Variants in SYT17 observed in about 807,000 individuals in gnomAD.
SYT17 encodes the protein synaptotagmin-17.
A neutral mutation model predicts 46.7 loss-of-function variants in SYT17; 22 were observed. The observed-to-expected ratio is 0.47, with a 90% CI of 0.34 to 0.67. The LOEUF (loss-of-function observed/expected upper bound fraction) is 0.67. SYT17 is among the 30% of genes least tolerant of loss of function. The pLI, the probability that SYT17 is intolerant of heterozygous loss-of-function variation, is 0.01. For synonymous variants in SYT17, 251 were observed against 248.4 expected, an observed-to-expected ratio of 1.01 and a Z score of -0.10; for missense variants, 519 against 612.8, an observed-to-expected ratio of 0.85 and a Z score of 1.62.
chr16:19,237,814 C>T (rs1422552855), intron 7 of SYT17, among the ~76,000 whole-genome samples: 2 of 152,200 alleles, frequency 1.3e-5, no homozygotes, highest in Non-Finnish European at 2.9e-5. Flanking sequence ...GCTCATCTGC[C>T]CTGCACCACT....
At chr16:19,208,346 T>C (rs914684141) in intron 5 of SYT17, among the ~76,000 whole-genome samples, 12 of 152,172 alleles carry the variant, frequency 7.9e-5, no homozygotes, top group African/African-American at 2.7e-4. Flanking sequence ...GACTGGGCAC[T>C]ACTAAGAAAA....
intron 5 of SYT17, among the ~76,000 whole-genome samples, chr16:19,185,031 G>C (rs1964727646): frequency 6.6e-6 from 1 of 152,124 alleles, no homozygotes; most frequent in Non-Finnish European, 1.5e-5. Context: ...TAGGTAGAAG[G>C]ATGTGGGGAG....
In SYT17 at chr16:19,219,391, A is replaced by G. The variant is rs1205752661; in HGVS notation, c.952-3654A>G. 3.6e-4 allele frequency among the ~76,000 whole-genome samples: 2 copies of G among 5,492 alleles called. 1 individual carries two copies. The highest frequency in any genetic ancestry group is 5.3e-4 in the Non-Finnish European group (2 of 3,808). 3.6% of individuals were successfully genotyped at this position (5,492 alleles called of 152,430 possible). On this transcript the variant is annotated intron_variant, in intron 5 of 7. Coordinates refer to ENST00000355377, the MANE Select transcript of SYT17 (RefSeq NM_016524.4). ...CAGTCCGCAGTCCGGCCTGGGCGAC[A>G]GAGCGAGACTCCGTCTCAAAAAAAA...
At chr16:19,198,636 G>A (rs2142722436) in intron 5 of SYT17, among the ~76,000 whole-genome samples, 1 of 152,348 alleles carries the variant, frequency 6.6e-6, no homozygotes, top group East Asian at 1.9e-4. Flanking sequence ...AGGAGACTGT[G>A]TTCCATTGAA....
chr16:19,238,184 G>A (rs1966874405), intron 7 of SYT17, among the ~76,000 whole-genome samples: 1 of 152,212 alleles, frequency 6.6e-6, no homozygotes, highest in Non-Finnish European at 1.5e-5. Context: ...TGGATCAGAT[G>A]TAAAGGACCA....
intron 7 of SYT17, among the ~76,000 whole-genome samples, chr16:19,240,164 G>A (rs1271338423): frequency 6.6e-6 from 1 of 152,222 alleles, no homozygotes; most frequent in Non-Finnish European, 1.5e-5. Flanking sequence ...GTTGCCTGTA[G>A]TGTGGCAAAC....
chr16:19,180,538 GAGTA>G lies in SYT17; in HGVS notation c.331+4_331+7del, dbSNP rs752714663. 6 of 1,613,946 alleles carry G rather than the reference GAGTA, an allele frequency of 3.7e-6. No individual in the cohort carries two copies. The African/African-American group carries it at 6.7e-5, about 18-fold the overall frequency. ...CATACAGCCTGACGCGGAGGATTTC[GAGTA>G]AGTATCTCTGCTTTACCTTTCTGGG... On this transcript the variant is annotated splice_donor_variant and splice_donor_region_variant and coding_sequence_variant and intron_variant, in exon 4 of 8. Coordinates refer to ENST00000355377, the MANE Select transcript of SYT17 (RefSeq NM_016524.4). LOFTEE classifies it high-confidence loss of function.
chr16:19,263,037 C>CT (rs11376928), intron 7 of SYT17, among the ~76,000 whole-genome samples: 66,741 of 145,650 alleles, frequency 0.46, 16,984 homozygotes, highest in East Asian at 0.95. Flanking sequence ...GTCAGATAAT[C>CT]TTTTTTTTTT....
intron 2 of SYT17, 32 bp from the exon 3 acceptor site, chr16:19,173,398 A>T: frequency 2.3e-5 from 1 of 43,348 alleles, no homozygotes; most frequent in Non-Finnish European, 4.1e-5. Context: ...CCTCTCCCCC[A>T]TCCCCCCGCC....
At chr16:19,196,983 G>A (rs1432105211) in intron 5 of SYT17, among the ~76,000 whole-genome samples, 2 of 152,172 alleles carry the variant, frequency 1.3e-5, no homozygotes, top group Admixed American at 6.5e-5. Flanking sequence ...GCCAAAAACT[G>A]CCTGGTAAAC....
intron 1 of SYT17, chr16:19,171,183 C>CTAAA (rs1407756670): frequency 6.6e-6 from 1 of 152,640 alleles, no homozygotes; most frequent in East Asian, 1.9e-4. Flanking sequence ...TGAGTTTTGG[C>CTAAA]TTTAGAGAGT....
chr16:19,256,967 T>C (rs1453414635), intron 7 of SYT17, among the ~76,000 whole-genome samples: 2 of 152,154 alleles, frequency 1.3e-5, no homozygotes, highest in African/African-American at 4.8e-5. Context: ...CTTTGAGCAC[T>C]CAACCTCTTA....
intron 5 of SYT17, among the ~76,000 whole-genome samples, chr16:19,188,926 G>A (rs1033142263): frequency 1.7e-4 from 26 of 151,862 alleles, no homozygotes; most frequent in African/African-American, 5.1e-4. Context: ...CTGCTCTGTC[G>A]CCCAGGCTGG....
At chr16:19,178,688 C>T (rs772563928) in intron 3 of SYT17, among the ~76,000 whole-genome samples, 3 of 152,114 alleles carry the variant, frequency 2.0e-5, no homozygotes, top group Admixed American at 6.5e-5. Context: ...TTTTTCAAGA[C>T]GAGTTTTCCC....
At chr16:19,262,193 A>G (rs1969025306) in intron 7 of SYT17, among the ~76,000 whole-genome samples, 1 of 152,236 alleles carries the variant, frequency 6.6e-6, no homozygotes, top group Non-Finnish European at 1.5e-5. Context: ...TATGGTCTGA[A>G]TGTTTTGTTC....
Position 19,267,045 on chromosome 16 carries a change from G to A in SYT17, c.1394G>A (p.Arg465His). Residue 465 changes from arginine to histidine, a missense_variant, in exon 8 of 8, where the codon CGC becomes CAC. Transcript: ENST00000355377. ...HSLRSRAECD[R>H]VSPASLEVT ...CTGAGGTCCCGAGCTGAGTGTGACC[G>A]CGTGTCTCCTGCCTCCCTGGAGGTG... 4.3e-6 allele frequency: 7 copies of A among 1,610,522 alleles called. No individual in the cohort carries two copies. Among genetic ancestry groups the A allele is most frequent in the Non-Finnish European group, 5.9e-6 (7 of 1,179,264 alleles).
chr16:19,174,021 C>T lies in SYT17; in HGVS notation c.182+443C>T, dbSNP rs867587675. 2.0e-5 allele frequency among the ~76,000 whole-genome samples: 3 copies of T among 152,042 alleles called. No individual in the cohort carries two copies. The South Asian group carries it at 6.2e-4, about 32-fold the overall frequency. On this transcript the variant is annotated intron_variant, in intron 3 of 7. Coordinates refer to ENST00000355377, the MANE Select transcript of SYT17 (RefSeq NM_016524.4). The stretch of plus-strand genomic sequence containing the variant: ...CCAGGGCCTGCACATAGTAAAAGCT[C>T]GATAAATATCCATTGCATGGATGGG...
intron 5 of SYT17, among the ~76,000 whole-genome samples, chr16:19,210,156 CAT>C (rs1298722253): frequency 1.3e-5 from 2 of 152,024 alleles, no homozygotes; most frequent in African/African-American, 4.8e-5. Context: ...GTGATAAAGT[CAT>C]AGTATTTAGG....
At chr16:19,173,730 A>C (rs1338321809) in intron 3 of SYT17, 152 bp downstream of exon 3, 13 of 864,534 alleles carry the variant, frequency 1.5e-5, no homozygotes, top group Non-Finnish European at 1.9e-5. Context: ...TTTGCTGCAG[A>C]CTGGGGATAT....
Sources: allele counts gnomAD v4.1 joint callset (sites outside exome capture counted in the v4.1 genomes callset), GRCh38; gene constraint gnomAD v4.1.1; transcripts MANE v1.5; gene names NCBI Gene and HGNC (gene_info 2026-07-23, HGNC 2026-07-21).